Variants in ARHGAP8 observed in about 807,000 individuals in gnomAD.
ARHGAP8 encodes the protein Rho GTPase activating protein 8, also known as rho GTPase-activating protein 8.
Under a neutral mutation model 46.1 loss-of-function variants are expected in ARHGAP8, and 62 were observed. The observed-to-expected ratio is 1.34, with a 90% CI of 1.10 to 1.66. ARHGAP8 has a LOEUF of 1.66. Among genes scored for constraint, ARHGAP8 ranks in the 40% most tolerant of loss-of-function variants. The pLI is 0.00. For synonymous variants in ARHGAP8, 375 were observed against 243.1 expected (o/e 1.54, Z -5.05); for missense variants, 923 against 568.4 (o/e 1.62, Z -6.34).
At chr22:44,848,159 T>C in intron 9 of ARHGAP8, 109 bp downstream of exon 9, 1 of 1,464,190 alleles carries the variant, frequency 6.8e-7, no homozygotes, top group South Asian at 1.2e-5. Flanking sequence ...CCCACCCAAC[T>C]CCCAGAAAAC....
intron 1 of ARHGAP8, among the ~76,000 whole-genome samples, chr22:44,760,961 C>T (rs1925084523): frequency 1.3e-5 from 2 of 152,198 alleles, no homozygotes; most frequent in African/African-American, 2.4e-5. Context: ...ACATGCAGGG[C>T]GAGGCAGGCT....
intron 2 of ARHGAP8, among the ~76,000 whole-genome samples, chr22:44,789,138 T>G (rs1450612819): frequency 6.6e-6 from 1 of 152,070 alleles, no homozygotes; most frequent in Non-Finnish European, 1.5e-5. Flanking sequence ...TGCTTTTTGG[T>G]TTTTTTGTTT....
chr22:44,826,230 CG>C (rs1438218668), intron 7 of ARHGAP8, among the ~76,000 whole-genome samples: 2 of 152,074 alleles, frequency 1.3e-5, no homozygotes, highest in Admixed American at 1.3e-4. Flanking sequence ...CCCTGATCCC[CG>C]CATCACCATG....
At position 44,862,674 on chromosome 22, in the gene ARHGAP8, GT is replaced by G. The variant is rs1398655872; in HGVS notation, c.*80del. ...TGTATGTTTTGTAAACTTGGCATCT[GT>G]AAAAATAACCAGCCATTAGATGAAT... On this transcript the variant is annotated 3_prime_UTR_variant, in exon 12 of 12. Coordinates refer to ENST00000356099, the MANE Select transcript of ARHGAP8 (RefSeq NM_181335.3). The G allele has an allele frequency of 2.1e-6, 3 of 1,463,104 alleles. No homozygotes were observed. In the African/African-American group the frequency reaches 4.2e-5, roughly 21 times the overall value. The allele number at this position is 1,463,104 out of a possible 1,614,324, so 90.6% of individuals were successfully genotyped here. A position where few individuals can be genotyped will look rare whatever the true frequency, so the allele number is the denominator to read the frequency against.
intron 2 of ARHGAP8, among the ~76,000 whole-genome samples, chr22:44,795,480 A>G (rs1291093659): frequency 1.3e-5 from 2 of 150,958 alleles, no homozygotes; most frequent in Non-Finnish European, 3.0e-5. Flanking sequence ...ACCCCCCTCT[A>G]CCCTCTGGGC....
chr22:44,803,840 G>A (rs1005151111), intron 3 of ARHGAP8, among the ~76,000 whole-genome samples: 3 of 140,316 alleles, frequency 2.1e-5, no homozygotes, highest in African/African-American at 8.1e-5. Flanking sequence ...CACACCTCTT[G>A]TGCACACGCT....
Position 44,862,279 on chromosome 22 carries a change from C to G in ARHGAP8, c.986C>G (p.Ser329Cys), listed in dbSNP as rs779904514. The stretch of plus-strand genomic sequence containing the variant: ...CTTGTGTGTGGTTTCCTCCAGGTGT[C>G]CCGGGAGAGCATCTTCAACAAAATG... ...RYLMGFLHAV[S>C]RESIFNKMNS... is the part of the protein sequence containing the mutation. Residue 329 changes from serine (S) to cysteine (C), a missense_variant, in exon 12 of 12, where the codon TCC becomes TGC. Physicochemically the swap from Ser to Cys is moderately radical, Grantham distance 112 (BLOSUM62 -1). Transcript: ENST00000356099. 4 of 1,590,142 alleles carry G rather than the reference C, an allele frequency of 2.5e-6. No individual in the cohort carries two copies. In the South Asian group the frequency reaches 3.4e-5, roughly 13 times the overall value.
Position 44,825,861 on chromosome 22 carries a change from C to T in ARHGAP8, c.596+268C>T, listed in dbSNP as rs979150902. On this transcript the variant is annotated intron_variant, in intron 7 of 11. Coordinates refer to ENST00000356099, the MANE Select transcript of ARHGAP8 (RefSeq NM_181335.3). ...GGTTGGGGGGCGCGTGCTCGCTGCTCGGTGCCTGGTTGGGGGGCGCGTGCT... is the reference window on the plus strand; with the variant it reads ...GGTTGGGGGGCGCGTGCTCGCTGCTTGGTGCCTGGTTGGGGGGCGCGTGCT... Among the ~76,000 whole-genome samples, 115 of 120,938 alleles carry T rather than the reference C, an allele frequency of 9.5e-4. 1 individual carries two copies. The highest frequency in any genetic ancestry group is 3.6e-3 in the African/African-American group (108 of 30,414). 79.3% of individuals were successfully genotyped at this position (120,938 alleles called of 152,430 possible). A position where few individuals can be genotyped will look rare whatever the true frequency, so the allele number is the denominator to read the frequency against.
chr22:44,799,944 C>T (rs942519392), intron 2 of ARHGAP8, among the ~76,000 whole-genome samples: 4 of 121,584 alleles, frequency 3.3e-5, no homozygotes, highest in Admixed American at 7.9e-5. Flanking sequence ...AAAGTCTGAA[C>T]CATGAGGTCT....
intron 11 of ARHGAP8, among the ~76,000 whole-genome samples, chr22:44,860,853 C>T (rs1312769961): frequency 6.6e-6 from 1 of 152,216 alleles, no homozygotes; most frequent in East Asian, 1.9e-4. Flanking sequence ...AGGCCTTCGC[C>T]CCAGGCTGTG....
chr22:44,780,281 C>T (rs1306158634), intron 1 of ARHGAP8, among the ~76,000 whole-genome samples: 1 of 150,888 alleles, frequency 6.6e-6, no homozygotes, highest in Non-Finnish European at 1.5e-5. Context: ...CTCTTGAGCC[C>T]AGGAGGCCAA....
chr22:44,860,905 G>C (rs1473817013), intron 11 of ARHGAP8, among the ~76,000 whole-genome samples: 1 of 152,164 alleles, frequency 6.6e-6, no homozygotes, highest in Non-Finnish European at 1.5e-5. Context: ...TCACATCCCA[G>C]AGTCTGTTGG....
intron 4 of ARHGAP8, among the ~76,000 whole-genome samples, chr22:44,810,720 C>T (rs1929271954): frequency 6.6e-6 from 1 of 152,040 alleles, no homozygotes; most frequent in Non-Finnish European, 1.5e-5. Context: ...GCTTCTGGTA[C>T]GAGGTGTGGC....
chr22:44,836,066 A>G (rs1489085167), intron 7 of ARHGAP8, among the ~76,000 whole-genome samples: 1 of 152,106 alleles, frequency 6.6e-6, no homozygotes, highest in East Asian at 1.9e-4. Context: ...GACCTCACTA[A>G]GGATACCAAG....
rs1019091105 is a variant in ARHGAP8 at position 44,847,865 on chromosome 22, G to T, written c.671-108G>T. On this transcript the variant is annotated intron_variant, in intron 8 of 11. Coordinates refer to ENST00000356099, the MANE Select transcript of ARHGAP8 (RefSeq NM_181335.3). ...GATTTGAGGAACAAATAAATGTGTG[G>T]AGGCCAGCCACAGGTGGGTGATGCC... The T allele has an allele frequency of 2.1e-6, 3 of 1,400,912 alleles. No homozygotes were observed. In the African/African-American group the frequency reaches 4.3e-5, roughly 20 times the overall value. 86.8% of individuals were successfully genotyped at this position (1,400,912 alleles called of 1,614,324 possible).
At chr22:44,801,801 C>CT (rs1216251917) in intron 2 of ARHGAP8, 3 of 492,268 alleles carry the variant, frequency 6.1e-6, no homozygotes, top group Non-Finnish European at 1.1e-5. Context: ...CCAGCTGGCT[C>CT]TGCACTGATG....
chr22:44,800,090 TC>T, intron 2 of ARHGAP8, among the ~76,000 whole-genome samples: 1 of 96,378 alleles, frequency 1.0e-5, no homozygotes, highest in South Asian at 3.4e-4. Context: ...CCTTCAGGAG[TC>T]TGTTCTGTCT....
At chr22:44,790,947 G>T (rs1049711901) in intron 2 of ARHGAP8, among the ~76,000 whole-genome samples, 7 of 151,914 alleles carry the variant, frequency 4.6e-5, no homozygotes, top group Admixed American at 2.6e-4. Context: ...TGCCCAGGCT[G>T]GTCTCAAACT....
At chr22:44,835,953 C>T (rs1023325315) in intron 7 of ARHGAP8, among the ~76,000 whole-genome samples, 23 of 152,168 alleles carry the variant, frequency 1.5e-4, no homozygotes, top group Admixed American at 3.9e-4. Flanking sequence ...TCTTTGCGAT[C>T]GGCCTCCAGG....
Sources: gnomAD v4.1 joint callset for allele counts (sites outside exome capture counted in the v4.1 genomes callset) on GRCh38, gnomAD v4.1.1 for gene constraint, MANE v1.5 for transcripts, NCBI Gene and HGNC (gene_info 2026-07-23, HGNC 2026-07-21) for gene names.